DIAPH3: variants seen among roughly 807,000 people sequenced by gnomAD.
The protein encoded by DIAPH3 is protein diaphanous homolog 3.
Under a neutral mutation model 144.3 loss-of-function variants are expected in DIAPH3, and 117 were observed. The ratio of observed to expected loss-of-function variants is 0.81; its 90% CI spans 0.70 to 0.95. DIAPH3 has a LOEUF of 0.95. DIAPH3 is among the 40% of genes least tolerant of loss of function. The pLI, the probability that DIAPH3 is intolerant of heterozygous loss-of-function variation, is 0.00. For missense variants in DIAPH3, 1,421 were observed against 1,412.7 expected (o/e 1.01, Z -0.09); for synonymous variants, 519 against 488.9 (o/e 1.06, Z -0.81).
At chr13:59,819,008 T>G (rs2040925220) in intron 24 of DIAPH3, among the ~76,000 whole-genome samples, 1 of 151,856 alleles carries the variant, frequency 6.6e-6, no homozygotes, top group Admixed American at 6.6e-5. Context: ...GAGGCCTATA[T>G]GTATTACTTT....
At chr13:60,062,898 G>T (rs2056825879) in intron 4 of DIAPH3, among the ~76,000 whole-genome samples, 1 of 152,186 alleles carries the variant, frequency 6.6e-6, no homozygotes, top group South Asian at 2.1e-4. Flanking sequence ...CTGGTGAAGG[G>T]TCTTGCCCTC....
chr13:60,132,264 C>T (rs2059163633), intron 2 of DIAPH3, among the ~76,000 whole-genome samples: 1 of 152,172 alleles, frequency 6.6e-6, no homozygotes, highest in African/African-American at 2.4e-5. Context: ...CATTCTCCTT[C>T]ATGCTTCATA....
intron 4 of DIAPH3, among the ~76,000 whole-genome samples, chr13:60,067,611 T>C (rs2057021361): frequency 6.6e-6 from 1 of 152,208 alleles, no homozygotes; most frequent in African/African-American, 2.4e-5. Flanking sequence ...TATTTTAATG[T>C]TTCTCCACTT....
At chr13:60,056,308 G>A (rs1404676257) in intron 4 of DIAPH3, among the ~76,000 whole-genome samples, 3 of 151,314 alleles carry the variant, frequency 2.0e-5, no homozygotes, top group Non-Finnish European at 4.4e-5. Context: ...TAGAGACAGA[G>A]AAAGGAGAGT....
intron 25 of DIAPH3, among the ~76,000 whole-genome samples, chr13:59,777,508 C>A (rs1179378530): frequency 2.0e-5 from 3 of 152,120 alleles, no homozygotes; most frequent in Admixed American, 2.0e-4. Flanking sequence ...TCAACGGTTG[C>A]AAAAACTATT....
At chr13:60,080,702 A>G (rs998514835) in intron 4 of DIAPH3, among the ~76,000 whole-genome samples, 2 of 151,962 alleles carry the variant, frequency 1.3e-5, no homozygotes, top group African/African-American at 4.8e-5. Flanking sequence ...TAATTTTTAA[A>G]TGAATTATAG....
intron 21 of DIAPH3, among the ~76,000 whole-genome samples, chr13:59,866,450 A>G (rs1261692256): frequency 6.6e-6 from 1 of 152,076 alleles, no homozygotes; most frequent in African/African-American, 2.4e-5. Flanking sequence ...AAATGGCAGT[A>G]AAACAACAAA....
At chr13:59,999,919 C>T (rs762971647) in intron 9 of DIAPH3, among the ~76,000 whole-genome samples, 4 of 152,302 alleles carry the variant, frequency 2.6e-5, no homozygotes, top group Non-Finnish European at 5.9e-5. Context: ...CAAGTTTCAA[C>T]AAGGGTTATC....
chr13:60,018,918 A>G (rs1863664997), intron 5 of DIAPH3, among the ~76,000 whole-genome samples: 1 of 152,176 alleles, frequency 6.6e-6, no homozygotes, highest in Admixed American at 6.5e-5. Context: ...AAAATTAAAT[A>G]TGCATAAAAC....
At chr13:59,856,178 T>C (rs899277821) in intron 22 of DIAPH3, among the ~76,000 whole-genome samples, 1 of 152,230 alleles carries the variant, frequency 6.6e-6, no homozygotes, top group Admixed American at 6.5e-5. Flanking sequence ...GAATCTTTGA[T>C]ATTTCTAAAT....
intron 21 of DIAPH3, among the ~76,000 whole-genome samples, chr13:59,865,599 C>T (rs1007347768): frequency 1.4e-4 from 22 of 151,892 alleles, no homozygotes; most frequent in Non-Finnish European, 2.8e-4. Context: ...GTACATTTAA[C>T]GTGGCATAAA....
chr13:60,013,144 T>C, intron 7 of DIAPH3: 1 of 985,326 alleles, frequency 1.0e-6, no homozygotes, highest in Non-Finnish European at 1.2e-6. Context: ...TTCCTGAATG[T>C]CAAGGACCCA....
intron 23 of DIAPH3, among the ~76,000 whole-genome samples, chr13:59,834,453 A>AT (rs5803974): frequency 1 from 151,445 of 151,456 alleles, 75,717 homozygotes; most frequent in Middle Eastern, 1. Context: ...TATATCTAAA[A>AT]TTTTTTTGGC....
At chr13:60,142,437 G>A (rs1163951390) in intron 1 of DIAPH3, among the ~76,000 whole-genome samples, 2 of 152,046 alleles carry the variant, frequency 1.3e-5, no homozygotes, top group African/African-American at 4.8e-5. Context: ...TTAGTCTAGG[G>A]GGTAGAGGGA....
intron 4 of DIAPH3, among the ~76,000 whole-genome samples, chr13:60,082,907 C>A (rs1419118817): frequency 6.6e-6 from 1 of 152,088 alleles, no homozygotes; most frequent in African/African-American, 2.4e-5. Context: ...CAGTTGGAGA[C>A]AGAACATATG....
chr13:60,057,252 A>C, intron 4 of DIAPH3, among the ~76,000 whole-genome samples: 1 of 151,958 alleles, frequency 6.6e-6, no homozygotes, highest in Non-Finnish European at 1.5e-5. Flanking sequence ...CTAAATGCCA[A>C]CAACAACCAA....
chr13:60,082,878 C>CA (rs1332944380), intron 4 of DIAPH3, among the ~76,000 whole-genome samples: 1 of 152,026 alleles, frequency 6.6e-6, no homozygotes, highest in Non-Finnish European at 1.5e-5. Flanking sequence ...TCAATGTCGA[C>CA]ATAGTAGGAC....
chr13:59,742,306 CAGAA>C lies in DIAPH3; in HGVS notation c.3319+31879_3319+31882del, dbSNP rs535283980. Among the ~76,000 whole-genome samples the C allele has an allele frequency of 3.2e-3, 486 of 152,132 alleles. 2 individuals are homozygous for C. Among genetic ancestry groups the C allele is most frequent in the Non-Finnish European group, 3.6e-3 (247 of 67,998 alleles). ...AAGTTTTACATGACAGGTGAAACTT[CAGAA>C]ATGAAGACCCAAAGAAACAGGAAAA... On this transcript the variant is annotated intron_variant, in intron 27 of 27. Coordinates refer to ENST00000400324, the MANE Select transcript of DIAPH3 (RefSeq NM_001042517.2).
intron 27 of DIAPH3, among the ~76,000 whole-genome samples, chr13:59,680,534 A>G (rs565576680): frequency 6.6e-6 from 1 of 151,828 alleles, no homozygotes; most frequent in African/African-American, 2.4e-5. Flanking sequence ...GAACCCTGTT[A>G]TTAGGATCTA....
Sources: gnomAD v4.1 joint callset for allele counts (sites outside exome capture counted in the v4.1 genomes callset) on GRCh38, gnomAD v4.1.1 for gene constraint, MANE v1.5 for transcripts, NCBI Gene and HGNC (gene_info 2026-07-23, HGNC 2026-07-21) for gene names.